The following PKNOX2 variants were observed in gnomAD, a reference collection of about 807,000 sequenced individuals.
PKNOX2 encodes PBX/knotted 1 homeobox 2.
Under a neutral mutation model 53.1 loss-of-function variants are expected in PKNOX2, and 14 were observed. That is an observed-to-expected ratio of 0.26 (90% CI 0.17 to 0.41). The LOEUF (loss-of-function observed/expected upper bound fraction) is 0.41. Among genes scored for constraint, PKNOX2 ranks in the 10% least tolerant of loss-of-function variants. PKNOX2 has a pLI of 1.00. For synonymous variants in PKNOX2, 257 were observed against 242.8 expected (o/e 1.06, Z -0.54); for missense variants, 496 against 602.8 (o/e 0.82, Z 1.85).
intron 7 of PKNOX2, among the ~76,000 whole-genome samples, chr11:125,408,754 C>T (rs1955280196): frequency 6.6e-6 from 1 of 152,136 alleles, no homozygotes; most frequent in African/African-American, 2.4e-5. Flanking sequence ...TGGCTGTCCC[C>T]CGGGCTGTAA....
intron 1 of PKNOX2, among the ~76,000 whole-genome samples, chr11:125,195,055 C>A (rs945222409): frequency 3.3e-5 from 5 of 152,180 alleles, no homozygotes; most frequent in Non-Finnish European, 5.9e-5. Flanking sequence ...CAACATCACA[C>A]AACCAGGAGT....
chr11:125,263,952 C>T (rs1388665034), intron 2 of PKNOX2, among the ~76,000 whole-genome samples: 1 of 152,150 alleles, frequency 6.6e-6, no homozygotes, highest in Non-Finnish European at 1.5e-5. Flanking sequence ...CTTCTCCGCA[C>T]CCTTCCATCC....
At chr11:125,368,266 C>T (rs963550675) in intron 5 of PKNOX2, among the ~76,000 whole-genome samples, 4 of 152,218 alleles carry the variant, frequency 2.6e-5, no homozygotes, top group Non-Finnish European at 4.4e-5. Flanking sequence ...AAACCCTCCG[C>T]TCAGCCAAAC....
chr11:125,188,325 G>T (rs1267886350), intron 1 of PKNOX2, among the ~76,000 whole-genome samples: 2 of 152,168 alleles, frequency 1.3e-5, no homozygotes, highest in Non-Finnish European at 1.5e-5. Context: ...CTTTCTCAAA[G>T]GTACTGCATC....
At chr11:125,388,173 A>C (rs1953777595) in intron 6 of PKNOX2, among the ~76,000 whole-genome samples, 1 of 152,068 alleles carries the variant, frequency 6.6e-6, no homozygotes, top group African/African-American at 2.4e-5. Context: ...GTCCTGTGTC[A>C]GGAAGTGGGA....
chr11:125,371,597 T>G (rs1226046666), intron 5 of PKNOX2, among the ~76,000 whole-genome samples: 1 of 151,898 alleles, frequency 6.6e-6, no homozygotes, highest in Non-Finnish European at 1.5e-5. Flanking sequence ...ATGGAAACCA[T>G]GGTGTCCTGA....
At chr11:125,224,578 C>G (rs987675177) in intron 1 of PKNOX2, among the ~76,000 whole-genome samples, 1 of 152,220 alleles carries the variant, frequency 6.6e-6, no homozygotes, top group Non-Finnish European at 1.5e-5. Flanking sequence ...AGTTTTCCTA[C>G]TCCGTTTGTT....
At chr11:125,322,177 C>T (rs879825526) in intron 2 of PKNOX2, among the ~76,000 whole-genome samples, 11 of 151,674 alleles carry the variant, frequency 7.3e-5, no homozygotes, top group Non-Finnish European at 1.0e-4. Context: ...TGAAAGGTCT[C>T]GAATACCTGC....
intron 1 of PKNOX2, among the ~76,000 whole-genome samples, chr11:125,192,099 T>TG (rs1220493368): frequency 2.0e-5 from 3 of 151,970 alleles, no homozygotes; most frequent in African/African-American, 7.3e-5. Context: ...GCTGGGGAAT[T>TG]GCGGCAGGGG....
intron 3 of PKNOX2, among the ~76,000 whole-genome samples, chr11:125,350,675 A>G (rs1487658091): frequency 3.9e-5 from 6 of 152,022 alleles, no homozygotes; most frequent in Admixed American, 3.9e-4. Context: ...TCCCTTCCCC[A>G]AGGCCTCCAG....
chr11:125,165,146 C>CCCG lies in PKNOX2; in HGVS notation c.-201+391_-201+393dup, dbSNP rs538787205. 6.1e-3 allele frequency among the ~76,000 whole-genome samples: 904 copies of CCCG among 147,886 alleles called. 10 individuals carry two copies. Among genetic ancestry groups the CCCG allele is most frequent in the African/African-American group, 0.02 (825 of 41,034 alleles). Reference sequence around the variant, plus strand: ...CTCCCCTGCCCGGCCAGCGCTCAGCCCCGCCGCCGCCGCCGCCGCCGCCTC... The same window carrying CCCG: ...CTCCCCTGCCCGGCCAGCGCTCAGCCCCGCCGCCGCCGCCGCCGCCGCCGCCTC... On this transcript the variant is annotated intron_variant, in intron 1 of 12. Transcript: ENST00000298282. This position sits in a 1 kb window ranked among gnomAD's most constrained non-coding sequence, Gnocchi z 4.5.
At chr11:125,169,980 C>T (rs117527814) in intron 1 of PKNOX2, among the ~76,000 whole-genome samples, 11 of 152,230 alleles carry the variant, frequency 7.2e-5, no homozygotes, top group African/African-American at 2.7e-4. Context: ...CTGTATCAGA[C>T]GAATGCAGAA....
At chr11:125,262,260 C>T (rs905788679) in intron 2 of PKNOX2, among the ~76,000 whole-genome samples, 19 of 151,992 alleles carry the variant, frequency 1.3e-4, no homozygotes, top group Non-Finnish European at 2.9e-5. Context: ...CCCCTTGGGC[C>T]GGAAGGAGTG....
At chr11:125,327,764 A>T (rs749572721) in intron 2 of PKNOX2, among the ~76,000 whole-genome samples, 4 of 152,102 alleles carry the variant, frequency 2.6e-5, no homozygotes, top group Non-Finnish European at 4.4e-5. Context: ...GACTGTATTT[A>T]TGCCTTGTAG....
At chr11:125,348,131 T>C (rs1374012584) in intron 3 of PKNOX2, among the ~76,000 whole-genome samples, 2 of 151,204 alleles carry the variant, frequency 1.3e-5, no homozygotes, top group Non-Finnish European at 2.9e-5. Flanking sequence ...GCTCAAAGAG[T>C]TCCCCCACAC....
intron 2 of PKNOX2, among the ~76,000 whole-genome samples, chr11:125,249,668 T>C (rs1943848408): frequency 6.6e-6 from 1 of 152,172 alleles, no homozygotes; most frequent in Non-Finnish European, 1.5e-5. Flanking sequence ...TGGATTTTGG[T>C]ATCCAAGTGG....
intron 4 of PKNOX2, among the ~76,000 whole-genome samples, chr11:125,362,179 C>CT (rs976824522): frequency 6.6e-6 from 1 of 152,088 alleles, no homozygotes; most frequent in African/African-American, 2.4e-5. Context: ...CCTCCTGCCT[C>CT]TTTTTTCACA....
chr11:125,385,757 C>A, intron 6 of PKNOX2, 35 bp downstream of exon 6: 3 of 1,595,886 alleles, frequency 1.9e-6, no homozygotes, highest in South Asian at 1.1e-5. Flanking sequence ...TGGCTAGAGT[C>A]TTCCTACCCT....
chr11:125,359,917 G>T (rs918044492), intron 4 of PKNOX2, among the ~76,000 whole-genome samples: 1 of 152,148 alleles, frequency 6.6e-6, no homozygotes, highest in South Asian at 2.1e-4. Context: ...AGAGATGGAG[G>T]TTCTCCATGT....
Sources: gnomAD v4.1 joint callset for allele counts (sites outside exome capture counted in the v4.1 genomes callset) on GRCh38, gnomAD v4.1.1 for gene constraint, Gnocchi (gnomAD v3.1) non-coding constraint, MANE v1.5 for transcripts, NCBI Gene and HGNC (gene_info 2026-07-23, HGNC 2026-07-21) for gene names.